OSBP2: variants seen among roughly 807,000 people sequenced by gnomAD.
OSBP2 encodes the protein oxysterol binding protein 2.
In OSBP2, 66 loss-of-function variants were observed where a neutral mutation model predicts 96.0. The observed-to-expected ratio is 0.69, with a 90% CI of 0.56 to 0.84. The LOEUF (loss-of-function observed/expected upper bound fraction) is 0.84, where lower values mean the gene tolerates loss of function less well. Among genes scored for constraint, OSBP2 ranks in the 40% least tolerant of loss-of-function variants. OSBP2 has a pLI of 0.00. For synonymous variants in OSBP2, 525 were observed against 520.9 expected, an observed-to-expected ratio of 1.01 and a Z score of -0.11; for missense variants, 1,038 against 1,222.7, an observed-to-expected ratio of 0.85 and a Z score of 2.25.
intron 2 of OSBP2, among the ~76,000 whole-genome samples, chr22:30,866,333 A>T (rs1456459115): frequency 6.6e-6 from 1 of 152,258 alleles, no homozygotes; most frequent in Non-Finnish European, 1.5e-5. Context: ...GGCAGCCTGC[A>T]GAAGCTAGAA....
At chr22:30,774,633 AC>A (rs1387229826) in intron 2 of OSBP2, among the ~76,000 whole-genome samples, 7 of 152,258 alleles carry the variant, frequency 4.6e-5, no homozygotes, top group African/African-American at 1.7e-4. Flanking sequence ...AGCAGTAATG[AC>A]AGTTAAATCT....
intron 2 of OSBP2, among the ~76,000 whole-genome samples, chr22:30,744,800 T>C (rs2089978731): frequency 6.6e-6 from 1 of 151,880 alleles, no homozygotes; most frequent in African/African-American, 2.4e-5. Context: ...AAATCAACTC[T>C]TAGGTGCTAT....
intron 1 of OSBP2, among the ~76,000 whole-genome samples, chr22:30,730,754 CTCTCTCTCT>C (rs1569100224): frequency 2.2e-5 from 1 of 45,154 alleles, no homozygotes; most frequent in Non-Finnish European, 4.3e-5. Flanking sequence ...CTCTCTCTCT[CTCTCTCTCT>C]CTCTCTCTCT....
rs759016782 is a variant in OSBP2, at chr22:30,695,046, C to T, written c.137C>T (p.Ser46Phe). Reference protein sequence around the residue: ...APGMSASTSGSGPEPKPQPQP... With the variant: ...APGMSASTSGFGPEPKPQPQP... The stretch of plus-strand genomic sequence containing the variant: ...GGCATGAGCGCTTCCACGTCCGGCT[C>T]CGGGCCGGAGCCCAAGCCCCAGCCC... Residue 46 changes from serine to phenylalanine, a missense_variant, in exon 1 of 14, where the codon TCC becomes TTC. Transcript: ENST00000332585. The T allele has an allele frequency of 6.3e-7, 1 of 1,590,778 alleles. No individual in the cohort carries two copies. Among genetic ancestry groups the T allele is most frequent in the Admixed American group, 1.8e-5 (1 of 55,676 alleles).
intron 2 of OSBP2, among the ~76,000 whole-genome samples, chr22:30,800,706 T>A (rs1193005086): frequency 6.6e-6 from 1 of 152,114 alleles, no homozygotes; most frequent in East Asian, 1.9e-4. Context: ...CTTCCGGCCT[T>A]TGTGTGTGAG....
At position 30,889,495 on chromosome 22, in the gene OSBP2, A is replaced by C. The variant is rs749932452; in HGVS notation, c.1482A>C (p.Leu494=). The C allele has an allele frequency of 6.2e-7, 1 of 1,614,076 alleles. No individual in the cohort carries two copies. ...SVDWSSADNV[L]DGASLVPKGS... ...GGTCCCCACTTATGTGGCAGGTACT[A>C]GATGGTGCCTCGCTCGTGCCCAAGG... is the stretch of plus-strand genomic sequence containing the variant. Residue 494 remains leucine, a synonymous_variant, in exon 7 of 14, where the codon CTA becomes CTC. Transcript: ENST00000332585.
intron 3 of OSBP2, among the ~76,000 whole-genome samples, chr22:30,886,884 T>C (rs2039821628): frequency 6.6e-6 from 1 of 152,144 alleles, no homozygotes; most frequent in African/African-American, 2.4e-5. Flanking sequence ...TTCTTGGATC[T>C]CACACAAGAA....
At chr22:30,902,698 C>A in intron 12 of OSBP2, 1 of 524,726 alleles carries the variant, frequency 1.9e-6, no homozygotes, top group South Asian at 1.8e-5. Flanking sequence ...TGTGACGCCC[C>A]TCAATGAAGT....
intron 3 of OSBP2, among the ~76,000 whole-genome samples, chr22:30,884,833 C>G (rs1218342618): frequency 6.6e-6 from 1 of 152,212 alleles, no homozygotes; most frequent in Non-Finnish European, 1.5e-5. Context: ...GTAGGTGTCA[C>G]TTGGCAGCAA....
intron 2 of OSBP2, among the ~76,000 whole-genome samples, chr22:30,867,565 C>T (rs1159429819): frequency 2.0e-5 from 3 of 152,222 alleles, no homozygotes; most frequent in African/African-American, 7.2e-5. Flanking sequence ...CCTGTCTCTG[C>T]AGAACAGACT....
chr22:30,905,860 ACTT>A lies in OSBP2; in HGVS notation c.2402_2404del (p.Phe801del). On this transcript the variant is annotated inframe_deletion, in exon 13 of 14. Coordinates refer to ENST00000332585, the MANE Select transcript of OSBP2 (RefSeq NM_030758.4). ...AGGGAGAACGCGGAGAACATGTACT[ACTT>A]CTCAGAGCTGGCCCTGACCCTCAAC... 5 of 1,613,366 alleles carry A rather than the reference ACTT, an allele frequency of 3.1e-6. No homozygotes were observed. The highest frequency in any genetic ancestry group is 4.2e-6 in the Non-Finnish European group (5 of 1,179,670).
At chr22:30,845,309 T>C (rs1358607062) in intron 2 of OSBP2, among the ~76,000 whole-genome samples, 1 of 152,016 alleles carries the variant, frequency 6.6e-6, no homozygotes, top group Non-Finnish European at 1.5e-5. Flanking sequence ...TAGGTGCCTG[T>C]AATCCCAGGA....
chr22:30,845,020 A>G (rs778240667), intron 2 of OSBP2, among the ~76,000 whole-genome samples: 1 of 152,260 alleles, frequency 6.6e-6, no homozygotes, highest in African/African-American at 2.4e-5. Flanking sequence ...GTCAGAACAC[A>G]TACAACATTT....
chr22:30,891,387 C>T (rs1023516448), intron 8 of OSBP2, among the ~76,000 whole-genome samples: 3 of 152,200 alleles, frequency 2.0e-5, no homozygotes, highest in Non-Finnish European at 4.4e-5. Context: ...GTGACAGCAG[C>T]CTGTCCCCAC....
chr22:30,868,461 C>G (rs577329002), intron 2 of OSBP2, among the ~76,000 whole-genome samples: 1 of 152,250 alleles, frequency 6.6e-6, no homozygotes, highest in Admixed American at 6.5e-5. Context: ...AGTGCAGACA[C>G]GCTGTGGCCT....
chr22:30,749,167 TTAAC>T, intron 2 of OSBP2, among the ~76,000 whole-genome samples: 1 of 152,320 alleles, frequency 6.6e-6, no homozygotes, highest in East Asian at 1.9e-4. Flanking sequence ...AGGCTGGTGA[TTAAC>T]TAGTGGCAGG....
At chr22:30,832,063 A>G (rs1417748038) in intron 2 of OSBP2, among the ~76,000 whole-genome samples, 1 of 152,082 alleles carries the variant, frequency 6.6e-6, no homozygotes, top group Non-Finnish European at 1.5e-5. Context: ...AGTGACCAGG[A>G]AGCATCTCAC....
chr22:30,770,789 C>T (rs1472244560), intron 2 of OSBP2: 2 of 152,672 alleles, frequency 1.3e-5, no homozygotes, highest in South Asian at 2.1e-4. Flanking sequence ...TCCATAATTT[C>T]GTTCTGTAGG....
chr22:30,796,801 C>T (rs1359323093), intron 2 of OSBP2, among the ~76,000 whole-genome samples: 1 of 152,222 alleles, frequency 6.6e-6, no homozygotes, highest in Non-Finnish European at 1.5e-5. Flanking sequence ...AGCCACGGCA[C>T]CCAGCCAAAA....
Sources: gnomAD v4.1 joint callset for allele counts (sites outside exome capture counted in the v4.1 genomes callset) on GRCh38, gnomAD v4.1.1 for gene constraint, MANE v1.5 for transcripts, NCBI Gene and HGNC (gene_info 2026-07-23, HGNC 2026-07-21) for gene names.